The following CAPN3 variants were observed in gnomAD, a reference collection of about 807,000 sequenced individuals.
CAPN3 encodes calpain-3.
Under a neutral mutation model 114.0 loss-of-function variants are expected in CAPN3, and 88 were observed. The observed-to-expected ratio is 0.77, with a 90% CI of 0.65 to 0.92. The LOEUF (loss-of-function observed/expected upper bound fraction) is 0.92. Among genes scored for constraint, CAPN3 ranks in the 40% least tolerant of loss-of-function variants. The pLI is 0.00. For synonymous variants in CAPN3, 386 were observed against 382.9 expected, an observed-to-expected ratio of 1.01 and a Z score of -0.09; for missense variants, 1,028 against 1,069.0, an observed-to-expected ratio of 0.96 and a Z score of 0.53.
At chr15:42,406,454 C>T (rs765856239) in intron 15 of CAPN3, among the ~76,000 whole-genome samples, 16 of 152,294 alleles carry the variant, frequency 1.1e-4, no homozygotes, top group Non-Finnish European at 2.1e-4. Context: ...AGAGCTGACA[C>T]TCCTCAGGCA....
At chr15:42,370,226 G>A (rs1387901407) in intron 1 of CAPN3, among the ~76,000 whole-genome samples, 2 of 152,072 alleles carry the variant, frequency 1.3e-5, no homozygotes, top group African/African-American at 4.8e-5. Context: ...ACGGTCTCTT[G>A]CTCTAATGAC....
intron 1 of CAPN3, among the ~76,000 whole-genome samples, chr15:42,380,751 A>AT (rs59923448): frequency 9.0e-4 from 58 of 64,456 alleles, no homozygotes; most frequent in South Asian, 2.6e-3. Context: ...ATATATATAT[A>AT]TTTTTTTTTT....
intron 13 of CAPN3, 112 bp downstream of exon 13, chr15:42,403,114 C>G (rs1595838896): frequency 2.4e-6 from 2 of 831,638 alleles, no homozygotes; most frequent in East Asian, 5.1e-5. Context: ...TTCTGCTGCT[C>G]CTGAGCCACT....
chr15:42,406,921 T>C (rs1595842955), intron 15 of CAPN3, among the ~76,000 whole-genome samples: 1 of 152,108 alleles, frequency 6.6e-6, no homozygotes, highest in Non-Finnish European at 1.5e-5. Flanking sequence ...GAGCCAAAGC[T>C]GGGGAGCCGT....
intron 14 of CAPN3, among the ~76,000 whole-genome samples, chr15:42,405,223 T>C (rs1244079713): frequency 1.3e-5 from 2 of 152,200 alleles, no homozygotes; most frequent in African/African-American, 2.4e-5. Flanking sequence ...TTAAAAAATA[T>C]TCTGTAAGTC....
intron 5 of CAPN3, among the ~76,000 whole-genome samples, 161 bp from the exon 6 acceptor site, chr15:42,389,792 G>A (rs1221336829): frequency 6.6e-6 from 1 of 152,096 alleles, no homozygotes; most frequent in African/African-American, 2.4e-5. Flanking sequence ...CTTTTTTTCT[G>A]TATCACTTTT....
chr15:42,408,519 G>A (rs2054096237), intron 16 of CAPN3, 195 bp downstream of exon 16: 1 of 586,054 alleles, frequency 1.7e-6, no homozygotes, highest in South Asian at 1.6e-5. Context: ...ATCCCAGGAT[G>A]GGGGTTCCAT....
In CAPN3 at chr15:42,401,802, A is replaced by C. The variant is rs140828326; in HGVS notation, c.1516A>C (p.Ile506Leu). Residue 506 changes from isoleucine to leucine, a missense_variant, in exon 11 of 24, where the codon ATC becomes CTC. Transcript: ENST00000397163. ...CAGTCTCTTCACCATTGGCTTCGCC[A>C]TCTACGAGGTGTGCAGTCCTGATTG... ...GASLFTIGFA[I>L]YEVPKEMHGN... The C allele has an allele frequency of 6.2e-6, 10 of 1,613,102 alleles. No individual in the cohort carries two copies. The Admixed American group carries it at 1.7e-4, about 27-fold the overall frequency.
intron 8 of CAPN3, among the ~76,000 whole-genome samples, chr15:42,394,671 G>A (rs1369661823): frequency 6.6e-6 from 1 of 152,094 alleles, no homozygotes; most frequent in Non-Finnish European, 1.5e-5. Context: ...GTCTTGTGTT[G>A]CCTTTCCTGT....
chr15:42,411,414 CTG>C, intron 23 of CAPN3, 69 bp downstream of exon 23: 1 of 1,380,612 alleles, frequency 7.2e-7, no homozygotes, highest in Non-Finnish European at 1.0e-6. Context: ...ACGGGGCGGA[CTG>C]GACCCAGGGT....
chr15:42,362,881 CTG>C (rs1458306159), intron 1 of CAPN3, among the ~76,000 whole-genome samples: 3 of 152,234 alleles, frequency 2.0e-5, no homozygotes, highest in Admixed American at 6.5e-5. Flanking sequence ...TCTGAAAAGA[CTG>C]TGTCCTATCA....
At chr15:42,392,592 C>G in intron 6 of CAPN3, 47 bp from the exon 7 acceptor site, 1 of 1,475,676 alleles carries the variant, frequency 6.8e-7, no homozygotes, top group Non-Finnish European at 9.5e-7. Context: ...AGCAGCAGAA[C>G]TTCTGTTCCC....
chr15:42,392,604 C>T (rs778259393), intron 6 of CAPN3, 35 bp from the exon 7 acceptor site: 31 of 1,539,684 alleles, frequency 2.0e-5, no homozygotes, highest in South Asian at 7.9e-5. Context: ...TCTGTTCCCC[C>T]GCCCCTAATG....
intron 1 of CAPN3, among the ~76,000 whole-genome samples, chr15:42,371,636 C>G (rs1312806569): frequency 6.6e-6 from 1 of 152,112 alleles, no homozygotes; most frequent in African/African-American, 2.4e-5. Flanking sequence ...GATACCTTCT[C>G]CCACCTTGTG....
intron 6 of CAPN3, among the ~76,000 whole-genome samples, chr15:42,392,323 C>T (rs2053576901): frequency 6.6e-6 from 1 of 152,146 alleles, no homozygotes. Context: ...CTACCCCTTC[C>T]TCCTTTGAAG....
At chr15:42,372,384 CTT>C (rs1252375376) in intron 1 of CAPN3, among the ~76,000 whole-genome samples, 5 of 152,192 alleles carry the variant, frequency 3.3e-5, no homozygotes, top group Non-Finnish European at 7.3e-5. Flanking sequence ...GTCTCAAACT[CTT>C]GACCTCAGGT....
At chr15:42,404,332 C>CA in intron 14 of CAPN3, 1 of 456,500 alleles carries the variant, frequency 2.2e-6, no homozygotes, top group Non-Finnish European at 4.4e-6. Flanking sequence ...CATGGGCACT[C>CA]AAACAGAGGT....
At position 42,411,941 on chromosome 15, in the gene CAPN3, TCGGTCATGCCTAG is replaced by T; in HGVS notation, c.*170_*182del. On this transcript the variant is annotated 3_prime_UTR_variant, in exon 24 of 24. Transcript: ENST00000397163. ...CATTTTACCCCCTACCCATCCTTGA[TCGGTCATGCCTAG>T]CCTGACCCTTTAGTAAAGCAATGAG... 1 of 1,540,708 alleles carries T rather than the reference TCGGTCATGCCTAG, an allele frequency of 6.5e-7. No homozygotes were observed. The highest frequency in any genetic ancestry group is 2.0e-5 in the Admixed American group (1 of 50,446).
At chr15:42,375,983 T>C (rs1008865695) in intron 1 of CAPN3, among the ~76,000 whole-genome samples, 3 of 152,220 alleles carry the variant, frequency 2.0e-5, no homozygotes, top group African/African-American at 7.2e-5. Flanking sequence ...CTTCACAGTT[T>C]TTTAAAGAGT....
Sources: allele counts gnomAD v4.1 joint callset (sites outside exome capture counted in the v4.1 genomes callset), GRCh38; gene constraint gnomAD v4.1.1; transcripts MANE v1.5; gene names NCBI Gene and HGNC (gene_info 2026-07-23, HGNC 2026-07-21).